The following UVRAG variants were observed in gnomAD, a reference collection of about 807,000 sequenced individuals.
The protein encoded by UVRAG is UV radiation resistance-associated gene protein.
A neutral mutation model predicts 78.0 loss-of-function variants in UVRAG; 19 were observed. That is an observed-to-expected ratio of 0.24 (90% confidence interval 0.17 to 0.36). UVRAG has a LOEUF of 0.36. UVRAG is among the 10% of genes least tolerant of loss of function. The probability of loss-of-function intolerance (pLI) is 1.00; values close to 1 mark genes in which losing one functional copy is unlikely to be tolerated. For synonymous variants in UVRAG, 323 were observed against 324.6 expected (o/e 1.00, Z 0.05); for missense variants, 740 against 853.8 (o/e 0.87, Z 1.66).
intron 12 of UVRAG, among the ~76,000 whole-genome samples, chr11:76,030,743 A>G (rs1180776302): frequency 6.6e-6 from 1 of 152,184 alleles, no homozygotes; most frequent in Non-Finnish European, 1.5e-5. Context: ...TTGTACATGA[A>G]GCCCTCCCTT....
chr11:76,036,099 A>G (rs556078158), intron 12 of UVRAG, among the ~76,000 whole-genome samples: 2 of 152,358 alleles, frequency 1.3e-5, no homozygotes, highest in South Asian at 2.1e-4. Context: ...TTCAGGATCA[A>G]CTTAAAATTT....
intron 12 of UVRAG, among the ~76,000 whole-genome samples, chr11:76,021,388 C>T (rs1950244113): frequency 6.6e-6 from 1 of 152,142 alleles, no homozygotes; most frequent in Admixed American, 6.5e-5. Flanking sequence ...TTTCATTTCT[C>T]ATTTTACTGC....
chr11:76,069,587 A>T (rs1226637134), intron 13 of UVRAG, among the ~76,000 whole-genome samples: 1 of 152,222 alleles, frequency 6.6e-6, no homozygotes, highest in Non-Finnish European at 1.5e-5. Flanking sequence ...CATAAAAATT[A>T]AATGGAAAAC....
chr11:76,007,707 C>A (rs1287152340), intron 10 of UVRAG, 86 bp downstream of exon 10: 3 of 1,019,032 alleles, frequency 2.9e-6, no homozygotes, highest in Non-Finnish European at 4.5e-6. Context: ...AAACTCATTG[C>A]TTTAGGCTTA....
At chr11:76,054,035 C>T (rs1173204320) in intron 12 of UVRAG, among the ~76,000 whole-genome samples, 1 of 150,962 alleles carries the variant, frequency 6.6e-6, no homozygotes, top group African/African-American at 2.4e-5. Context: ...GTTTGGTTTT[C>T]TTGTGGTTTA....
chr11:75,853,436 T>C (rs1486935260), intron 2 of UVRAG, among the ~76,000 whole-genome samples: 1 of 128,208 alleles, frequency 7.8e-6, no homozygotes, highest in Admixed American at 9.9e-5. Context: ...CTCAGCTCAC[T>C]GCAACCTCCG....
intron 3 of UVRAG, among the ~76,000 whole-genome samples, chr11:75,862,758 C>A (rs1378340880): frequency 6.6e-6 from 1 of 152,208 alleles, no homozygotes; most frequent in Non-Finnish European, 1.5e-5. Context: ...GTGTTCATCA[C>A]TGTTGGAAAC....
rs140996118 is a variant in UVRAG, at chr11:76,024,784, C to G, written c.1226+7804C>G. Reference sequence around the variant, plus strand: ...TGCTTATGCCTCAGTTATTCTTAGCCTGGATCACTGAAAGAGCAAATTAGA... The same window carrying G: ...TGCTTATGCCTCAGTTATTCTTAGCGTGGATCACTGAAAGAGCAAATTAGA... On this transcript the variant is annotated intron_variant, in intron 12 of 14. Coordinates refer to ENST00000356136, the MANE Select transcript of UVRAG (RefSeq NM_003369.4). Among the ~76,000 whole-genome samples, 189 of 152,216 alleles carry G rather than the reference C, an allele frequency of 1.2e-3. 1 individual carries two copies. The highest frequency in any genetic ancestry group is 4.3e-3 in the African/African-American group (179 of 41,526).
intron 6 of UVRAG, among the ~76,000 whole-genome samples, chr11:75,925,963 A>G (rs1280086587): frequency 2.6e-5 from 4 of 152,014 alleles, no homozygotes; most frequent in African/African-American, 9.7e-5. Flanking sequence ...TCTCCATCTC[A>G]TGTGGAGGAA....
In UVRAG at chr11:75,999,250, A is replaced by AAAGAT. The variant is rs1554975480; in HGVS notation, c.827-4754_827-4753insAGATA. Reference sequence around the variant, plus strand: ...TCTGCCTCAGAGAAAAAAAAAAAAAAAGTCAACTTTCTAAGGCAAAAATAA... The same window carrying AAAGAT: ...TCTGCCTCAGAGAAAAAAAAAAAAAAAAGATAGTCAACTTTCTAAGGCAAAAATAA... On this transcript the variant is annotated intron_variant, in intron 8 of 14. Transcript: ENST00000356136. 1.9e-3 allele frequency among the ~76,000 whole-genome samples: 280 copies of AAAGAT among 147,390 alleles called. 12 individuals carry two copies. Among genetic ancestry groups the AAAGAT allele is most frequent in the Admixed American group, 3.3e-3 (49 of 14,914 alleles).
At chr11:76,082,311 C>CACTTT (rs1565153002) in intron 13 of UVRAG, among the ~76,000 whole-genome samples, 1 of 152,028 alleles carries the variant, frequency 6.6e-6, no homozygotes, top group Non-Finnish European at 1.5e-5. Flanking sequence ...GAGGCCGAGG[C>CACTTT]GGGCAGATCA....
chr11:75,970,384 T>C (rs1271734799), intron 7 of UVRAG, among the ~76,000 whole-genome samples: 1 of 152,214 alleles, frequency 6.6e-6, no homozygotes, highest in Non-Finnish European at 1.5e-5. Flanking sequence ...TGATTTTTAA[T>C]GTAACTTAAA....
At chr11:75,932,820 A>T (rs59337469) in intron 6 of UVRAG, among the ~76,000 whole-genome samples, 4,357 of 152,316 alleles carry the variant, frequency 0.029, 221 homozygotes, top group African/African-American at 0.1. Flanking sequence ...CTCTGCAGTG[A>T]AAACTACAAG....
intron 14 of UVRAG, among the ~76,000 whole-genome samples, chr11:76,136,594 G>A (rs1952601366): frequency 6.7e-6 from 1 of 150,184 alleles, no homozygotes; most frequent in South Asian, 2.1e-4. Flanking sequence ...CTGCAACCCA[G>A]GCTCACGCAA....
At chr11:75,940,394 A>T (rs1255095546) in intron 6 of UVRAG, among the ~76,000 whole-genome samples, 2 of 152,186 alleles carry the variant, frequency 1.3e-5, no homozygotes, top group Non-Finnish European at 1.5e-5. Flanking sequence ...ATAACATTTT[A>T]AAAAAATGAT....
intron 3 of UVRAG, among the ~76,000 whole-genome samples, chr11:75,875,587 C>T (rs1482371091): frequency 4.2e-5 from 6 of 143,526 alleles, no homozygotes; most frequent in African/African-American, 1.3e-4. Flanking sequence ...CGTATCAGAT[C>T]TTTTTACTCT....
chr11:75,980,464 T>A (rs1949366706), intron 7 of UVRAG, among the ~76,000 whole-genome samples: 1 of 152,216 alleles, frequency 6.6e-6, no homozygotes, highest in Admixed American at 6.5e-5. Context: ...ATGTCCAGCC[T>A]AATTGCTTTA....
intron 6 of UVRAG, among the ~76,000 whole-genome samples, chr11:75,918,545 C>T (rs1947910030): frequency 6.6e-6 from 1 of 152,154 alleles, no homozygotes; most frequent in African/African-American, 2.4e-5. Flanking sequence ...TCCTCCCACT[C>T]CCTACTTGTA....
chr11:76,086,568 C>A (rs1452770476), intron 13 of UVRAG, among the ~76,000 whole-genome samples: 1 of 152,034 alleles, frequency 6.6e-6, no homozygotes, highest in Non-Finnish European at 1.5e-5. Context: ...TCTAGTTTTG[C>A]TTTCATACTT....
Sources: gnomAD v4.1 joint callset for allele counts (sites outside exome capture counted in the v4.1 genomes callset) on GRCh38, gnomAD v4.1.1 for gene constraint, MANE v1.5 for transcripts, NCBI Gene and HGNC (gene_info 2026-07-23, HGNC 2026-07-21) for gene names.